ATP11A: variants seen among roughly 807,000 people sequenced by gnomAD.
The protein encoded by ATP11A is ATPase phospholipid transporting 11A.
In ATP11A, 81 loss-of-function variants were observed where a neutral mutation model predicts 154.4. The ratio of observed to expected loss-of-function variants is 0.52; its 90% CI spans 0.44 to 0.63. The LOEUF is 0.63. Among genes scored for constraint, ATP11A ranks in the 30% least tolerant of loss-of-function variants. The pLI is 0.00. For synonymous variants in ATP11A, 623 were observed against 585.9 expected (o/e 1.06, Z -0.91); for missense variants, 1,316 against 1,474.3 (o/e 0.89, Z 1.76).
intron 1 of ATP11A, among the ~76,000 whole-genome samples, chr13:112,737,066 A>G (rs1213625895): frequency 6.6e-6 from 1 of 152,270 alleles, no homozygotes; most frequent in Non-Finnish European, 1.5e-5. Context: ...AAACAAAAAT[A>G]AATCGTGAAA....
At chr13:112,822,761 A>AAAAAAC (rs1405903949) in intron 8 of ATP11A, among the ~76,000 whole-genome samples, 1 of 151,042 alleles carries the variant, frequency 6.6e-6, no homozygotes, top group African/African-American at 2.4e-5. Flanking sequence ...AAAAAAAAAA[A>AAAAAAC]GGAAACAGTT....
At chr13:112,725,951 G>A (rs1014872995) in intron 1 of ATP11A, among the ~76,000 whole-genome samples, 2 of 152,248 alleles carry the variant, frequency 1.3e-5, no homozygotes, top group Non-Finnish European at 2.9e-5. Context: ...CTGGGGAGGG[G>A]GCGGGAAGCG....
chr13:112,882,926 G>C lies in ATP11A; in HGVS notation c.*1060G>C. ...CGGGGGTGGCACACAGGACACGGGT[G>C]GATCCCAACAGGCAGCACCGCACCT... is the stretch of plus-strand genomic sequence containing the variant. On this transcript the variant is annotated 3_prime_UTR_variant, in exon 30 of 30. Transcript: ENST00000375645. This position sits in a 1 kb window ranked among gnomAD's most constrained non-coding sequence, Gnocchi z 5.1. 2.5e-6 allele frequency: 1 copy of C among 399,062 alleles called. No individual in the cohort carries two copies. The highest frequency in any genetic ancestry group is 4.4e-5 in the Admixed American group (1 of 22,738). The allele number at this position is 399,062 out of a possible 1,614,324, so 24.7% of individuals were successfully genotyped here. A position where few individuals can be genotyped will look rare whatever the true frequency, so the allele number is the denominator to read the frequency against.
In ATP11A at chr13:112,791,383, G is replaced by A. The variant is rs567923557; in HGVS notation, c.162+6126G>A. 6.2e-4 allele frequency among the ~76,000 whole-genome samples: 95 copies of A among 152,358 alleles called. No individual in the cohort carries two copies. The East Asian group carries it at 0.017, about 28-fold the overall frequency. Reference sequence around the variant, plus strand: ...GAGCTGGCTTCTCCCTTCCTGGGGCGGAGCTCGCCCGACAGCCCCACATGC... The same window carrying A: ...GAGCTGGCTTCTCCCTTCCTGGGGCAGAGCTCGCCCGACAGCCCCACATGC... On this transcript the variant is annotated intron_variant, in intron 2 of 29. Coordinates refer to ENST00000375645, the MANE Select transcript of ATP11A (RefSeq NM_015205.3).
intron 1 of ATP11A, among the ~76,000 whole-genome samples, chr13:112,706,774 T>C (rs1376129732): frequency 6.6e-6 from 1 of 152,226 alleles, no homozygotes; most frequent in African/African-American, 2.4e-5. Context: ...AAGGACGGCA[T>C]GGTTTCAGAA....
chr13:112,844,365 A>G (rs1463980548), intron 17 of ATP11A, among the ~76,000 whole-genome samples: 3 of 152,224 alleles, frequency 2.0e-5, no homozygotes, highest in Non-Finnish European at 4.4e-5. Context: ...ACATTGATCT[A>G]TACATATTTA....
At chr13:112,718,736 T>C (rs1888801732) in intron 1 of ATP11A, among the ~76,000 whole-genome samples, 1 of 150,482 alleles carries the variant, frequency 6.6e-6, no homozygotes, top group Non-Finnish European at 1.5e-5. Flanking sequence ...AATAGCACGA[T>C]CTTGGCTCAC....
chr13:112,746,652 C>CCGAT lies in ATP11A; in HGVS notation c.40-38482_40-38481insGATC, dbSNP rs557889364. 86 of 151,698 alleles carry CCGAT rather than the reference C, an allele frequency of 5.7e-4. No homozygotes were observed. The highest frequency in any genetic ancestry group is 2.1e-3 in the African/African-American group (85 of 41,262). The allele number at this position is 151,698 out of a possible 1,614,324, so 9.4% of individuals were successfully genotyped here. Reference sequence around the variant, plus strand: ...CTTCGACCTCCTGGGCTCAAGCGATCCTCCCACCTCAGTCTCCCCAGTAGC... The same window carrying CCGAT: ...CTTCGACCTCCTGGGCTCAAGCGATCCGATCTCCCACCTCAGTCTCCCCAGTAGC... On this transcript the variant is annotated intron_variant, in intron 1 of 29. Transcript: ENST00000375645. This position sits in a 1 kb window ranked among gnomAD's most constrained non-coding sequence, Gnocchi z 4.1.
intron 1 of ATP11A, among the ~76,000 whole-genome samples, chr13:112,751,867 G>A (rs1289253765): frequency 2.6e-5 from 4 of 152,146 alleles, no homozygotes; most frequent in Non-Finnish European, 4.4e-5. Context: ...ATCAGCCACT[G>A]TGACTGGCCT....
At position 112,871,843 on chromosome 13, in the gene ATP11A, A is replaced by ACC. The variant is rs1288710186; in HGVS notation, c.3057+46_3057+47dup. On this transcript the variant is annotated intron_variant, in intron 26 of 29. Coordinates refer to ENST00000375645, the MANE Select transcript of ATP11A (RefSeq NM_015205.3). Reference sequence around the variant, plus strand: ...CACGTTCCTCCCCCAGCCACAGTGAACCCCTGCAGTGTAGGCCTCACGCGC... The same window carrying ACC: ...CACGTTCCTCCCCCAGCCACAGTGAACCCCCCTGCAGTGTAGGCCTCACGCGC... 3 of 1,577,110 alleles carry ACC rather than the reference A, an allele frequency of 1.9e-6. No homozygotes were observed. In the Admixed American group the frequency reaches 5.0e-5, roughly 26 times the overall value.
Position 112,831,527 on chromosome 13 carries a change from G to T in ATP11A, c.1374G>T (p.Ser458=), listed in dbSNP as rs778285031. The part of the protein sequence containing the change: ...PESSGIDMID[S]SPSVNGRERE... ...CGTCAGGAATCGACATGATTGACTC[G>T]TCCCCCAGCGTCAACGGGAGGGTAG... Residue 458 remains serine (S), a synonymous_variant, in exon 13 of 30, where the codon TCG becomes TCT. Transcript: ENST00000375645. 1.2e-6 allele frequency: 2 copies of T among 1,614,008 alleles called. No individual in the cohort carries two copies. The highest frequency in any genetic ancestry group is 2.7e-5 in the African/African-American group (2 of 74,920).
At position 112,861,847 on chromosome 13, in the gene ATP11A, T is replaced by C. The variant is rs976077626; in HGVS notation, c.2856-593T>C. On this transcript the variant is annotated intron_variant, in intron 24 of 29. Transcript: ENST00000375645. ...TGTGTCTGAAAGGAATCCTGCAAAT[T>C]CTGTCTTATTGAACAGGCATCTTTA... Among the ~76,000 whole-genome samples the C allele has an allele frequency of 9.2e-5, 14 of 151,380 alleles. No homozygotes were observed. In the South Asian group the frequency reaches 2.9e-3, roughly 31 times the overall value.
chr13:112,797,635 TGAAA>T (rs1412892530), intron 2 of ATP11A, among the ~76,000 whole-genome samples: 4 of 152,176 alleles, frequency 2.6e-5, no homozygotes, highest in Non-Finnish European at 5.9e-5. Context: ...TTTAAAGTGT[TGAAA>T]GAAAAAGCCA....
intron 1 of ATP11A, among the ~76,000 whole-genome samples, chr13:112,756,892 C>G (rs1243995677): frequency 1.3e-5 from 2 of 151,900 alleles, no homozygotes; most frequent in Admixed American, 6.6e-5. Context: ...AGCACGGGGC[C>G]TGCTCCCAGC....
At chr13:112,740,074 TAAA>T (rs1211785764) in intron 1 of ATP11A, among the ~76,000 whole-genome samples, 5 of 151,606 alleles carry the variant, frequency 3.3e-5, no homozygotes, top group Non-Finnish European at 7.4e-5. Flanking sequence ...GTAAATGAAC[TAAA>T]AAACCACTGA....
intron 13 of ATP11A, 118 bp downstream of exon 13, chr13:112,831,666 G>C: frequency 8.4e-7 from 1 of 1,187,308 alleles, no homozygotes; most frequent in South Asian, 1.5e-5. Flanking sequence ...ACGGACTTCA[G>C]TGGGAGGGAT....
At chr13:112,826,567 C>T (rs2078939574) in intron 11 of ATP11A, 127 bp from the exon 12 acceptor site, 2 of 794,690 alleles carry the variant, frequency 2.5e-6, no homozygotes, top group Non-Finnish European at 4.2e-6. Flanking sequence ...TCTTTGGACT[C>T]TGAAATCTTG....
At position 112,886,248 on chromosome 13, in the gene ATP11A, A is replaced by C. The variant is rs958536416; in HGVS notation, c.*4382A>C. 1 of 151,388 alleles carries C rather than the reference A, an allele frequency of 6.6e-6. No individual in the cohort carries two copies. Among genetic ancestry groups the C allele is most frequent in the African/African-American group, 2.4e-5 (1 of 41,358 alleles). The allele number at this position is 151,388 out of a possible 1,614,324, so 9.4% of individuals were successfully genotyped here. Reference sequence around the variant, plus strand: ...CATCCGCTCGGCTTGCTGAGCGTTTAAACAAATGTTTAGACAGGCTGTGGG... The same window carrying C: ...CATCCGCTCGGCTTGCTGAGCGTTTCAACAAATGTTTAGACAGGCTGTGGG... On this transcript the variant is annotated 3_prime_UTR_variant, in exon 30 of 30. Transcript: ENST00000375645.
chr13:112,839,105 G>A lies in ATP11A; in HGVS notation c.1705+2854G>A, dbSNP rs1166008907. ...GTGTGCTTTCCTGGGATTCTCCACG[G>A]TGGAATTTTGAGGAAGGACTTCGGA... On this transcript the variant is annotated intron_variant, in intron 16 of 29. Transcript: ENST00000375645. Among the ~76,000 whole-genome samples the A allele has an allele frequency of 2.6e-5, 4 of 152,164 alleles. No homozygotes were observed. The South Asian group carries it at 8.3e-4, about 31-fold the overall frequency.
Sources: gnomAD v4.1 joint callset for allele counts (sites outside exome capture counted in the v4.1 genomes callset) on GRCh38, gnomAD v4.1.1 for gene constraint, Gnocchi (gnomAD v3.1) non-coding constraint, MANE v1.5 for transcripts, NCBI Gene and HGNC (gene_info 2026-07-23, HGNC 2026-07-21) for gene names.